Variants in CPNE9 observed in about 807,000 individuals in gnomAD.
The protein encoded by CPNE9 is copine-9.
CPNE9 carries 59 observed loss-of-function variants against 83.0 expected under a neutral mutation model. The observed-to-expected ratio is 0.71, with a 90% confidence interval of 0.58 to 0.88. CPNE9 has a LOEUF of 0.88. Ranked by LOEUF, CPNE9 falls within the 40% of genes least tolerant of loss-of-function variation. CPNE9 has a pLI of 0.00. For synonymous variants in CPNE9, 256 were observed against 273.4 expected (o/e 0.94, Z 0.63); for missense variants, 619 against 720.8 (o/e 0.86, Z 1.62).
intron 19 of CPNE9, 117 bp from the exon 20 acceptor site, chr3:9,726,996 C>T (rs1357544820): frequency 9.3e-7 from 1 of 1,070,124 alleles, no homozygotes; most frequent in Non-Finnish European, 1.4e-6. Context: ...ATTTGTAGGA[C>T]TTGATCACAA....
chr3:9,705,086 C>A, intron 4 of CPNE9, 92 bp downstream of exon 4: 1 of 945,410 alleles, frequency 1.1e-6, no homozygotes, highest in Non-Finnish European at 1.7e-6. Context: ...CGCCTCCGGC[C>A]TGGTTCTTCT....
At chr3:9,721,737 G>A (rs537290886) in intron 17 of CPNE9, among the ~76,000 whole-genome samples, 1 of 152,278 alleles carries the variant, frequency 6.6e-6, no homozygotes, top group South Asian at 2.1e-4. Context: ...AGTGCGCACT[G>A]TGTACAGAGG....
chr3:9,727,572 A>T (rs2076796145), intron 20 of CPNE9: 1 of 607,258 alleles, frequency 1.6e-6, no homozygotes, highest in Non-Finnish European at 2.9e-6. Context: ...CCAAGACCTA[A>T]GGGAGGGGAT....
At chr3:9,713,209 A>C (rs2076647316) in intron 10 of CPNE9, 130 bp downstream of exon 10, 1 of 710,280 alleles carries the variant, frequency 1.4e-6, no homozygotes, top group Admixed American at 2.4e-5. Flanking sequence ...AGTTTGGGGC[A>C]TGAGGTTGGG....
chr3:9,728,673 A>C lies in CPNE9; in HGVS notation c.1477-834A>C, dbSNP rs2076804308. ...AAATAAAACATAATTTTTTGAAAAG[A>C]GGTCATGGATGGATATATACATTTG... On this transcript the variant is annotated intron_variant, in intron 20 of 20. Coordinates refer to ENST00000383832, the MANE Select transcript of CPNE9 (RefSeq NM_153635.3). 2.0e-5 allele frequency among the ~76,000 whole-genome samples: 3 copies of C among 152,294 alleles called. No individual in the cohort carries two copies. The South Asian group carries it at 6.2e-4, about 32-fold the overall frequency.
chr3:9,711,383 T>C (rs888922290), intron 7 of CPNE9, among the ~76,000 whole-genome samples: 1 of 151,840 alleles, frequency 6.6e-6, no homozygotes, highest in Non-Finnish European at 1.5e-5. Flanking sequence ...TTTCTTTTTT[T>C]TTTTTGCAGT....
Position 9,704,151 on chromosome 3 carries a change from ACCCC to A in CPNE9, c.68+89_68+92del, listed in dbSNP as rs1038402974. 1.5e-6 allele frequency: 2 copies of A among 1,293,892 alleles called. No homozygotes were observed. The highest frequency in any genetic ancestry group is 3.0e-5 in the African/African-American group (2 of 66,414). 80.2% of individuals were successfully genotyped at this position (1,293,892 alleles called of 1,614,324 possible). ...GGGGCTCAGCCTGGGCAGGGGCTAG[ACCCC>A]CGGGGAGAGGCGAAATTGGCTGGAA... On this transcript the variant is annotated intron_variant, in intron 1 of 20. Coordinates refer to ENST00000383832, the MANE Select transcript of CPNE9 (RefSeq NM_153635.3). This position sits in a 1 kb window ranked among gnomAD's most constrained non-coding sequence, Gnocchi z 7.1.
At chr3:9,724,826 G>C (rs564731365) in intron 17 of CPNE9, among the ~76,000 whole-genome samples, 14 of 151,608 alleles carry the variant, frequency 9.2e-5, no homozygotes, top group Non-Finnish European at 1.8e-4. Flanking sequence ...GTGTGATCTC[G>C]GCTCACTGCA....
At chr3:9,722,090 G>A (rs2076739075) in intron 17 of CPNE9, among the ~76,000 whole-genome samples, 2 of 151,452 alleles carry the variant, frequency 1.3e-5, no homozygotes, top group Non-Finnish European at 1.5e-5. Flanking sequence ...GCTAATTTTT[G>A]TATTCTAGAA....
chr3:9,727,217 T>C, intron 20 of CPNE9, 31 bp downstream of exon 20: 12 of 1,612,702 alleles, frequency 7.4e-6, no homozygotes, highest in Non-Finnish European at 1.0e-5. Flanking sequence ...GCTGTGGAGC[T>C]GAGAGGCACA....
At chr3:9,705,919 T>G in intron 6 of CPNE9, 68 bp from the exon 7 acceptor site, 1 of 1,535,004 alleles carries the variant, frequency 6.5e-7, no homozygotes, top group Non-Finnish European at 9.0e-7. Context: ...TGCAGGAGCA[T>G]CACTGGGGCT....
intron 17 of CPNE9, among the ~76,000 whole-genome samples, chr3:9,719,412 G>A (rs779263567): frequency 2.0e-5 from 3 of 152,120 alleles, no homozygotes; most frequent in Non-Finnish European, 4.4e-5. Context: ...AGAGCCTACA[G>A]CACTGTGGTG....
chr3:9,718,885 G>C (rs1365507906), intron 17 of CPNE9, among the ~76,000 whole-genome samples: 1 of 143,904 alleles, frequency 6.9e-6, no homozygotes, highest in Non-Finnish European at 1.5e-5. Context: ...TTGCCATGCT[G>C]GAGTGCAGTG....
chr3:9,705,372 A>G (rs965461075), intron 4 of CPNE9, 92 bp from the exon 5 acceptor site: 5 of 1,003,868 alleles, frequency 5.0e-6, no homozygotes, highest in Non-Finnish European at 7.5e-6. Flanking sequence ...CCATCCCTCC[A>G]CCCAAAATTT....
At position 9,727,190 on chromosome 3, in the gene CPNE9, G is replaced by C. The variant is rs771676105; in HGVS notation, c.1476+4G>C. 1 of 1,614,082 alleles carries C rather than the reference G, an allele frequency of 6.2e-7. No homozygotes were observed. The highest frequency in any genetic ancestry group is 1.3e-5 in the African/African-American group (1 of 74,942). ...CGCAGAGCGGGACATCGTTCAGGTA[G>C]ACCTGACGTGGGAGAGGCTGTGGAG... On this transcript the variant is annotated splice_donor_region_variant and intron_variant, in intron 20 of 20. Transcript: ENST00000383832.
chr3:9,705,349 G>T lies in CPNE9; in HGVS notation c.261-115G>T, dbSNP rs1019722359. The T allele has an allele frequency of 3.5e-5, 27 of 775,744 alleles. No individual in the cohort carries two copies. The East Asian group carries it at 6.7e-4, about 19-fold the overall frequency. 48.1% of individuals were successfully genotyped at this position (775,744 alleles called of 1,614,324 possible). On this transcript the variant is annotated intron_variant, in intron 4 of 20. Transcript: ENST00000383832. ...CAAAAGGAGACCAAAGCTGAATTCG[G>T]GTCCACGGCCGCCCATCCCTCCACC...
Position 9,718,522 on chromosome 3 carries a change from G to A in CPNE9, c.1161G>A (p.Leu387=), listed in dbSNP as rs2076706357. 2.5e-6 allele frequency: 4 copies of A among 1,613,712 alleles called. No individual in the cohort carries two copies. Among genetic ancestry groups the A allele is most frequent in the East Asian group, 2.2e-5 (1 of 44,868 alleles). ...DPNCAGIEGV[L]ESYFQSLRTV... is the part of the protein sequence containing the mutation. ...ACTGTGCGGGCATCGAGGGTGTGCT[G>A]GAGAGCTATTTCCAGAGCCTGCGCA... is the stretch of plus-strand genomic sequence containing the variant. The change falls in exon 17 of 21, where the codon CTG becomes CTA. Residue 387 remains leucine, a synonymous_variant. Coordinates refer to ENST00000383832, the MANE Select transcript of CPNE9 (RefSeq NM_153635.3).
chr3:9,720,829 T>A (rs2076727335), intron 17 of CPNE9, among the ~76,000 whole-genome samples: 1 of 152,188 alleles, frequency 6.6e-6, no homozygotes, highest in Admixed American at 6.5e-5. Context: ...CACCATTGAG[T>A]GTGGTGTCCG....
chr3:9,721,143 G>A (rs1304151681), intron 17 of CPNE9, among the ~76,000 whole-genome samples: 1 of 152,222 alleles, frequency 6.6e-6, no homozygotes, highest in Non-Finnish European at 1.5e-5. Context: ...ATTCACAGAT[G>A]AATCAGATCT....
Sources: gnomAD v4.1 joint callset for allele counts (sites outside exome capture counted in the v4.1 genomes callset) on GRCh38, gnomAD v4.1.1 for gene constraint, Gnocchi (gnomAD v3.1) non-coding constraint, MANE v1.5 for transcripts, NCBI Gene and HGNC (gene_info 2026-07-23, HGNC 2026-07-21) for gene names.